The following NREP variants were observed in gnomAD, a reference collection of about 807,000 sequenced individuals.
The protein encoded by NREP is neuronal regeneration-related protein.
Under a neutral mutation model 8.6 loss-of-function variants are expected in NREP, and 5 were observed. That is an observed-to-expected ratio of 0.58 (90% CI 0.30 to 1.22). NREP has a LOEUF of 1.22. Ranked by LOEUF, NREP falls within the 50% of genes most tolerant of loss-of-function variation. NREP has a pLI of 0.07. For synonymous variants in NREP, 27 were observed against 28.0 expected (o/e 0.96, Z 0.11); for missense variants, 86 against 82.5 (o/e 1.04, Z -0.17).
intron 2 of NREP, among the ~76,000 whole-genome samples, chr5:111,794,677 G>C (rs1270932449): frequency 1.3e-5 from 2 of 152,172 alleles, no homozygotes; most frequent in Non-Finnish European, 2.9e-5. Flanking sequence ...TTTGGTAAGA[G>C]GTGAGAGGGA....
intron 2 of NREP, among the ~76,000 whole-genome samples, chr5:111,833,157 A>G (rs1581151152): frequency 6.6e-6 from 1 of 152,210 alleles, no homozygotes; most frequent in East Asian, 1.9e-4. Context: ...AAAACCACCT[A>G]TACATCACGT....
intron 2 of NREP, among the ~76,000 whole-genome samples, chr5:111,907,534 C>A (rs886677782): frequency 4.6e-5 from 7 of 152,042 alleles, no homozygotes; most frequent in African/African-American, 1.4e-4. Flanking sequence ...GCTCCATTAG[C>A]CTACTCGTCT....
At chr5:111,934,963 G>T (rs1755642029) in intron 2 of NREP, among the ~76,000 whole-genome samples, 1 of 151,320 alleles carries the variant, frequency 6.6e-6, no homozygotes, top group African/African-American at 2.4e-5. Flanking sequence ...TCTGGATCCA[G>T]ATCCGAAACA....
At chr5:111,835,036 C>T (rs557027896) in intron 2 of NREP, among the ~76,000 whole-genome samples, 80 of 152,288 alleles carry the variant, frequency 5.3e-4, no homozygotes, top group African/African-American at 1.9e-3. Flanking sequence ...AAGAGAGGAA[C>T]ATTCCTTGCA....
At chr5:111,862,180 A>G (rs1013348967) in intron 2 of NREP, among the ~76,000 whole-genome samples, 1 of 152,192 alleles carries the variant, frequency 6.6e-6, no homozygotes, top group Non-Finnish European at 1.5e-5. Flanking sequence ...TTAGACAAGA[A>G]TTAAAACTCC....
intron 2 of NREP, among the ~76,000 whole-genome samples, chr5:111,815,292 A>C (rs1202022649): frequency 6.6e-6 from 1 of 152,194 alleles, no homozygotes; most frequent in Admixed American, 6.5e-5. Flanking sequence ...GGAAATTGGC[A>C]AGCCTGAAAC....
chr5:111,874,162 A>G lies in NREP; in HGVS notation c.135+101112T>C, dbSNP rs1258926659. Among the ~76,000 whole-genome samples the G allele has an allele frequency of 2.0e-5, 3 of 152,058 alleles. No individual in the cohort carries two copies. The South Asian group carries it at 6.2e-4, about 32-fold the overall frequency. ...ATCCAATGAACAGGCCCAAGATAGG[A>G]CATGTTCATTTTCATATATGTTTTA... On this transcript the variant is annotated intron_variant, in intron 2 of 3. Coordinates refer to the NREP transcript ENST00000395634.
At chr5:111,772,058 T>C (rs888602319) in intron 2 of NREP, among the ~76,000 whole-genome samples, 7 of 152,198 alleles carry the variant, frequency 4.6e-5, no homozygotes, top group Non-Finnish European at 1.0e-4. Context: ...AATTCCACGA[T>C]CTGTAAAACA....
upstream of NREP, chr5:111,758,265 C>G (rs1239255672): frequency 1.0e-6 from 1 of 985,576 alleles, no homozygotes; most frequent in Non-Finnish European, 1.2e-6. Context: ...CCAGCCAGAG[C>G]TGCGGCCTGG....
chr5:111,947,815 A>AT (rs1184007233), intron 2 of NREP, among the ~76,000 whole-genome samples: 1 of 152,034 alleles, frequency 6.6e-6, no homozygotes, highest in Admixed American at 6.6e-5. Context: ...TTGATAGCAT[A>AT]TTTTAGTTAT....
intron 2 of NREP, among the ~76,000 whole-genome samples, chr5:111,784,878 T>C (rs1004103849): frequency 1.3e-5 from 2 of 152,208 alleles, no homozygotes; most frequent in Admixed American, 6.5e-5. Flanking sequence ...AAAGAAAGTA[T>C]GATGATTCTA....
intron 2 of NREP, among the ~76,000 whole-genome samples, chr5:111,776,805 A>G (rs897221564): frequency 6.6e-6 from 1 of 152,212 alleles, no homozygotes; most frequent in African/African-American, 2.4e-5. Context: ...GGGGCATGGA[A>G]GACCATTCTA....
At chr5:111,842,693 G>A (rs1753060089) in intron 2 of NREP, among the ~76,000 whole-genome samples, 1 of 152,068 alleles carries the variant, frequency 6.6e-6, no homozygotes, top group African/African-American at 2.4e-5. Flanking sequence ...AGTTCAAGTT[G>A]TTAATAGTGC....
chr5:111,864,552 T>G lies in NREP; in HGVS notation c.135+110722A>C, dbSNP rs1220965760. ...AGCAGATAGACAGTATATCTGTATATTAAAACTGGAGCGGGGTGAAGTAAT... is the reference window on the plus strand; with the variant it reads ...AGCAGATAGACAGTATATCTGTATAGTAAAACTGGAGCGGGGTGAAGTAAT... On this transcript the variant is annotated intron_variant, in intron 2 of 3. Coordinates refer to the NREP transcript ENST00000395634. Among the ~76,000 whole-genome samples, 6 of 152,112 alleles carry G rather than the reference T, an allele frequency of 3.9e-5. No homozygotes were observed. The East Asian group carries it at 1.2e-3, about 29-fold the overall frequency.
chr5:111,787,283 G>A (rs115710700), intron 2 of NREP, among the ~76,000 whole-genome samples: 14 of 152,244 alleles, frequency 9.2e-5, no homozygotes, highest in African/African-American at 3.4e-4. Context: ...CCAATGCCCA[G>A]TAGTTTGAAA....
At chr5:111,968,378 C>T (rs530279687) in intron 2 of NREP, among the ~76,000 whole-genome samples, 1 of 152,222 alleles carries the variant, frequency 6.6e-6, no homozygotes, top group South Asian at 2.1e-4. Context: ...AAGTCCATAA[C>T]ATTTCTAGTA....
intron 2 of NREP, among the ~76,000 whole-genome samples, chr5:111,877,672 C>A (rs143773109): frequency 6.6e-6 from 1 of 152,322 alleles, no homozygotes; most frequent in African/African-American, 2.4e-5. Flanking sequence ...ACAATTTGAA[C>A]ACTGTTTGGA....
intron 2 of NREP, among the ~76,000 whole-genome samples, chr5:111,751,857 T>C (rs1017402324): frequency 6.6e-6 from 1 of 152,172 alleles, no homozygotes; most frequent in Non-Finnish European, 1.5e-5. Flanking sequence ...ACTTTGGCTA[T>C]GAGGATATGG....
chr5:111,790,635 T>C lies in NREP; in HGVS notation c.136-55128A>G, dbSNP rs191251474. Among the ~76,000 whole-genome samples, 4 of 152,190 alleles carry C rather than the reference T, an allele frequency of 2.6e-5. No individual in the cohort carries two copies. The East Asian group carries it at 7.7e-4, about 29-fold the overall frequency. On this transcript the variant is annotated intron_variant, in intron 2 of 3. Coordinates refer to the NREP transcript ENST00000395634. ...TTAAAAGGTTTCGCCTATCCATGTT[T>C]AAAATTATAACAAGCTGGAAACAAA...
Sources: allele counts gnomAD v4.1 joint callset (sites outside exome capture counted in the v4.1 genomes callset), GRCh38; gene constraint gnomAD v4.1.1; transcripts MANE v1.5; gene names NCBI Gene and HGNC (gene_info 2026-07-23, HGNC 2026-07-21).